PDE3B: variants seen among roughly 807,000 people sequenced by gnomAD.
PDE3B encodes the protein phosphodiesterase 3B.
PDE3B carries 66 observed loss-of-function variants against 116.8 expected under a neutral mutation model. The ratio of observed to expected loss-of-function variants is 0.56; its 90% CI spans 0.46 to 0.69. The LOEUF is 0.69. Ranked by LOEUF, PDE3B falls within the 30% of genes least tolerant of loss-of-function variation. The pLI is 0.00. For synonymous variants in PDE3B, 595 were observed against 533.6 expected (o/e 1.12, Z -1.59); for missense variants, 1,384 against 1,368.1 (o/e 1.01, Z -0.18).
At chr11:14,675,245 G>A (rs574669357) in intron 1 of PDE3B, among the ~76,000 whole-genome samples, 2 of 152,128 alleles carry the variant, frequency 1.3e-5, no homozygotes, top group African/African-American at 2.4e-5. Context: ...TTTTTTTTCT[G>A]TTGGATGGTA....
rs1848138035 is a variant in PDE3B at position 14,871,360 on chromosome 11, T to C, written c.*1700T>C. 6.6e-6 allele frequency: 1 copy of C among 152,182 alleles called. No individual in the cohort carries two copies. The highest frequency in any genetic ancestry group is 2.1e-4 in the South Asian group (1 of 4,834). The allele number at this position is 152,182 out of a possible 1,614,324, so 9.4% of individuals were successfully genotyped here. On this transcript the variant is annotated 3_prime_UTR_variant, in exon 16 of 16. Coordinates refer to ENST00000282096, the MANE Select transcript of PDE3B (RefSeq NM_000922.4). ...CACTTATTACTAATAAAATTTTGAC[T>C]GATAATTTATATTTGCACTTACAAT...
intron 1 of PDE3B, among the ~76,000 whole-genome samples, chr11:14,697,570 TG>T (rs1855245629): frequency 6.6e-6 from 1 of 152,128 alleles, no homozygotes; most frequent in South Asian, 2.1e-4. Context: ...CTAGGACCTT[TG>T]CATTTGTATG....
At chr11:14,705,620 G>A (rs909997329) in intron 1 of PDE3B, among the ~76,000 whole-genome samples, 1 of 151,718 alleles carries the variant, frequency 6.6e-6, no homozygotes, top group East Asian at 1.9e-4. Flanking sequence ...TTTTAAATGG[G>A]TGTATGCATA....
intron 14 of PDE3B, among the ~76,000 whole-genome samples, chr11:14,862,014 C>T (rs1472278875): frequency 2.0e-5 from 3 of 152,142 alleles, no homozygotes; most frequent in Non-Finnish European, 4.4e-5. Context: ...TTTCCCTTAC[C>T]AGCCCAGTGT....
chr11:14,661,419 T>C (rs1012585524), intron 1 of PDE3B, among the ~76,000 whole-genome samples: 1 of 152,230 alleles, frequency 6.6e-6, no homozygotes, highest in Non-Finnish European at 1.5e-5. Flanking sequence ...TCTGAGGTAC[T>C]GGGTTCATCT....
chr11:14,692,840 T>G (rs1237591400), intron 1 of PDE3B, among the ~76,000 whole-genome samples: 1 of 152,152 alleles, frequency 6.6e-6, no homozygotes, highest in Non-Finnish European at 1.5e-5. Context: ...AAGCAATAGT[T>G]GCACATTTCT....
At chr11:14,745,363 C>T (rs777929548) in intron 1 of PDE3B, among the ~76,000 whole-genome samples, 22 of 152,006 alleles carry the variant, frequency 1.4e-4, no homozygotes, top group Non-Finnish European at 2.6e-4. Flanking sequence ...TTGCTTGAGT[C>T]TTGTTTGTGA....
intron 1 of PDE3B, among the ~76,000 whole-genome samples, chr11:14,757,521 T>A (rs1283092079): frequency 9.4e-5 from 14 of 149,604 alleles, no homozygotes; most frequent in Non-Finnish European, 1.6e-4. Context: ...GGTATCTCAT[T>A]GTGGTTTTGA....
intron 1 of PDE3B, among the ~76,000 whole-genome samples, chr11:14,725,189 A>G (rs1019740586): frequency 6.6e-6 from 1 of 152,332 alleles, no homozygotes; most frequent in Non-Finnish European, 1.5e-5. Context: ...GCTGCATGCT[A>G]GTAAATAGCA....
chr11:14,669,799 CAT>C (rs1198611032), intron 1 of PDE3B, among the ~76,000 whole-genome samples: 1 of 151,944 alleles, frequency 6.6e-6, no homozygotes, highest in Non-Finnish European at 1.5e-5. Context: ...TAGGAAGAAT[CAT>C]GTAAACAAAG....
chr11:14,645,106 C>A (rs1853354952), intron 1 of PDE3B, 53 bp downstream of exon 1: 1 of 1,324,602 alleles, frequency 7.5e-7, no homozygotes, highest in Non-Finnish European at 9.9e-7. Context: ...GGGTTTACCG[C>A]TGCAGTTTCC....
chr11:14,792,992 C>G (rs1565139362), intron 4 of PDE3B, among the ~76,000 whole-genome samples: 1 of 152,108 alleles, frequency 6.6e-6, no homozygotes, highest in Non-Finnish European at 1.5e-5. Context: ...TGTTTAAGTT[C>G]TGTAAAGAGT....
At chr11:14,780,010 G>T (rs1395535417) in intron 2 of PDE3B, among the ~76,000 whole-genome samples, 7 of 151,604 alleles carry the variant, frequency 4.6e-5, no homozygotes, top group Non-Finnish European at 1.0e-4. Flanking sequence ...AAAAGCAGGG[G>T]TTGCAATCCT....
intron 15 of PDE3B, 131 bp from the exon 16 acceptor site, chr11:14,869,330 A>G (rs2133998296): frequency 6.8e-6 from 3 of 443,300 alleles, no homozygotes; most frequent in East Asian, 7.7e-5. Context: ...TATTTTTATT[A>G]TACTATTATT....
At chr11:14,824,042 A>G (rs1859608568) in intron 7 of PDE3B, among the ~76,000 whole-genome samples, 1 of 152,196 alleles carries the variant, frequency 6.6e-6, no homozygotes, top group African/African-American at 2.4e-5. Context: ...ACCCGAGCAC[A>G]GAGTATCCAC....
At chr11:14,718,049 A>C (rs1855964615) in intron 1 of PDE3B, among the ~76,000 whole-genome samples, 2 of 150,778 alleles carry the variant, frequency 1.3e-5, no homozygotes, top group African/African-American at 4.9e-5. Context: ...AGACACACAT[A>C]GGCTGAAAAT....
At chr11:14,841,345 C>T (rs142544039) in intron 11 of PDE3B, among the ~76,000 whole-genome samples, 7 of 145,620 alleles carry the variant, frequency 4.8e-5, no homozygotes, top group African/African-American at 1.7e-4. Context: ...CTCTCTCTCT[C>T]TCTATATATA....
At chr11:14,681,097 GCA>G in intron 1 of PDE3B, among the ~76,000 whole-genome samples, 1 of 152,244 alleles carries the variant, frequency 6.6e-6, no homozygotes, top group South Asian at 2.1e-4. Context: ...CCAGTGAAAA[GCA>G]CACTTTTGAC....
At chr11:14,698,932 T>C (rs935965709) in intron 1 of PDE3B, 1 of 151,986 alleles carries the variant, frequency 6.6e-6, no homozygotes, top group Non-Finnish European at 1.5e-5. Context: ...GGTGATCATA[T>C]GGGGATCTTA....
Sources: allele counts gnomAD v4.1 joint callset (sites outside exome capture counted in the v4.1 genomes callset), GRCh38; gene constraint gnomAD v4.1.1; transcripts MANE v1.5; gene names NCBI Gene and HGNC (gene_info 2026-07-23, HGNC 2026-07-21).